PDE8B: variants seen among roughly 807,000 people sequenced by gnomAD.
PDE8B encodes the protein phosphodiesterase 8B, also known as high affinity cAMP-specific and IBMX-insensitive 3',5'-cyclic phosphodiesterase 8B.
Under a neutral mutation model 101.3 loss-of-function variants are expected in PDE8B, and 26 were observed. That is an observed-to-expected ratio of 0.26 (90% CI 0.19 to 0.36). PDE8B has a LOEUF of 0.36. Among genes scored for constraint, PDE8B ranks in the 10% least tolerant of loss-of-function variants. PDE8B has a pLI of 1.00. For synonymous variants in PDE8B, 424 were observed against 429.3 expected (o/e 0.99, Z 0.15); for missense variants, 810 against 1,163.1 (o/e 0.70, Z 4.42).
chr5:77,109,919 G>A, the PDE8B span, among the ~76,000 whole-genome samples: 26 of 101,056 alleles, frequency 2.6e-4, no homozygotes, highest in Non-Finnish European at 4.5e-4. Flanking sequence ...TACTGCCTTT[G>A]TATTTCAGTT....
At chr5:77,215,530 C>A (rs1467950052) in intron 1 of PDE8B, among the ~76,000 whole-genome samples, 1 of 152,176 alleles carries the variant, frequency 6.6e-6, no homozygotes, top group African/African-American at 2.4e-5. Flanking sequence ...TAAGGACTAT[C>A]AGGTAATTCT....
intron 2 of PDE8B, among the ~76,000 whole-genome samples, chr5:77,313,895 G>T (rs1773230322): frequency 6.6e-6 from 1 of 152,046 alleles, no homozygotes; most frequent in Non-Finnish European, 1.5e-5. Flanking sequence ...CACTTGTTTT[G>T]AATACTTTTT....
At chr5:77,181,231 G>T in the PDE8B span, among the ~76,000 whole-genome samples, 3 of 152,156 alleles carry the variant, frequency 2.0e-5, no homozygotes, top group Non-Finnish European at 4.4e-5. Flanking sequence ...AGCAAAGGAA[G>T]AGCTGGAACG....
intron 12 of PDE8B, among the ~76,000 whole-genome samples, chr5:77,405,169 A>G (rs1793170129): frequency 6.6e-6 from 1 of 152,246 alleles, no homozygotes; most frequent in South Asian, 2.1e-4. Flanking sequence ...TTTTCAGTGT[A>G]CCAGCTATAT....
Position 77,211,911 on chromosome 5 carries a change from C to T in PDE8B, c.339+647C>T, listed in dbSNP as rs897780327. Among the ~76,000 whole-genome samples the T allele has an allele frequency of 1.1e-4, 17 of 152,030 alleles. No homozygotes were observed. Among genetic ancestry groups the T allele is most frequent in the African/African-American group, 3.6e-4 (15 of 41,384 alleles). ...AATTGAGAGAACCGGGCCATGAGTT[C>T]GGAGTGTCAGCAGAGCCACCGTGAG... On this transcript the variant is annotated intron_variant, in intron 1 of 21. Transcript: ENST00000264917. The surrounding 1 kb of genome is among the most constrained non-coding windows in gnomAD (Gnocchi z 4.1).
chr5:77,171,739 CA>C, the PDE8B span, among the ~76,000 whole-genome samples: 1 of 152,128 alleles, frequency 6.6e-6, no homozygotes, highest in Non-Finnish European at 1.5e-5. Context: ...ACTCCCTAGG[CA>C]GGTGGTAATG....
At chr5:77,130,746 G>A in the PDE8B span, among the ~76,000 whole-genome samples, 1 of 152,172 alleles carries the variant, frequency 6.6e-6, no homozygotes, top group African/African-American at 2.4e-5. Context: ...ACTTTTACAT[G>A]AGTTGGGTTA....
chr5:77,322,405 A>G (rs1403756541), intron 2 of PDE8B, among the ~76,000 whole-genome samples: 2 of 152,158 alleles, frequency 1.3e-5, no homozygotes, highest in Non-Finnish European at 1.5e-5. Flanking sequence ...ACCTTCAATC[A>G]GTTTTGTGAG....
intron 1 of PDE8B, among the ~76,000 whole-genome samples, chr5:77,244,642 G>GCT (rs200515907): frequency 1.9e-4 from 29 of 151,210 alleles, no homozygotes; most frequent in East Asian, 5.8e-4. Flanking sequence ...TTTTTTAAGT[G>GCT]CTCTCTCTCT....
chr5:77,239,986 T>G (rs2046045), intron 1 of PDE8B, among the ~76,000 whole-genome samples: 79,760 of 151,124 alleles, frequency 0.53, 22,718 homozygotes, highest in East Asian at 0.83. Context: ...CAAGTGCATC[T>G]AAGTTTAAGT....
Position 77,344,846 on chromosome 5 carries a change from C to A in PDE8B, c.798-7C>A. 6.3e-7 allele frequency: 1 copy of A among 1,579,646 alleles called. No individual in the cohort carries two copies. Among genetic ancestry groups the A allele is most frequent in the Non-Finnish European group, 8.7e-7 (1 of 1,148,598 alleles). On this transcript the variant is annotated splice_polypyrimidine_tract_variant and splice_region_variant and intron_variant, in intron 6 of 21. Transcript: ENST00000264917. ...AAGAACTAACTTCAATCTTTTATAA[C>A]TTTCAGGGCCTGTAATTCAGTGTTT...
chr5:77,254,035 T>C (rs1758611666), intron 1 of PDE8B, among the ~76,000 whole-genome samples: 1 of 152,118 alleles, frequency 6.6e-6, no homozygotes, highest in Admixed American at 6.5e-5. Context: ...AAGTAATGCA[T>C]TGGGACTTTG....
chr5:77,259,874 G>A (rs1760104334), intron 1 of PDE8B, among the ~76,000 whole-genome samples: 2 of 152,116 alleles, frequency 1.3e-5, no homozygotes, highest in Non-Finnish European at 2.9e-5. Context: ...TAGAAATAAA[G>A]CTATCAGCCG....
At chr5:77,340,600 AGTGTGTGT>A (rs34764404) in intron 6 of PDE8B, among the ~76,000 whole-genome samples, 4,007 of 140,140 alleles carry the variant, frequency 0.029, 168 homozygotes, top group African/African-American at 0.097. Flanking sequence ...GCAGCCTCAC[AGTGTGTGT>A]GTGTGTGTGT....
chr5:77,398,113 G>A (rs775537824), intron 10 of PDE8B, among the ~76,000 whole-genome samples: 9 of 151,810 alleles, frequency 5.9e-5, no homozygotes, highest in East Asian at 1.9e-4. Flanking sequence ...TAGATCCCTC[G>A]TGTGGCAAGA....
At chr5:77,381,364 G>A (rs1370694104) in intron 10 of PDE8B, among the ~76,000 whole-genome samples, 3 of 152,172 alleles carry the variant, frequency 2.0e-5, no homozygotes, top group Non-Finnish European at 4.4e-5. Flanking sequence ...GAGAGAGAAG[G>A]AAGCAGCAAG....
At chr5:77,219,477 G>A (rs1009472311) in intron 1 of PDE8B, among the ~76,000 whole-genome samples, 4 of 152,148 alleles carry the variant, frequency 2.6e-5, no homozygotes, top group Admixed American at 6.5e-5. Flanking sequence ...AAAAGATGCC[G>A]TTCTGACGTC....
At chr5:77,296,323 A>G (rs1055571921) in intron 1 of PDE8B, among the ~76,000 whole-genome samples, 30 of 151,762 alleles carry the variant, frequency 2.0e-4, no homozygotes, top group Admixed American at 1.9e-3. Flanking sequence ...GTGCAGTGGT[A>G]TAAACATGGC....
chr5:77,215,415 A>G (rs538910309), intron 1 of PDE8B, among the ~76,000 whole-genome samples: 5 of 152,362 alleles, frequency 3.3e-5, no homozygotes, highest in Admixed American at 2.6e-4. Context: ...CTGCCATTGT[A>G]TATATGATTA....
Sources: allele counts gnomAD v4.1 joint callset (sites outside exome capture counted in the v4.1 genomes callset), GRCh38; gene constraint gnomAD v4.1.1; non-coding constraint Gnocchi (gnomAD v3.1); transcripts MANE v1.5; gene names NCBI Gene and HGNC (gene_info 2026-07-23, HGNC 2026-07-21).